ZNF318: variants seen among roughly 807,000 people sequenced by gnomAD.
The protein encoded by ZNF318 is zinc finger protein 318.
Under a neutral mutation model 124.2 loss-of-function variants are expected in ZNF318, and 51 were observed. The ratio of observed to expected loss-of-function variants is 0.41; its 90% CI spans 0.33 to 0.52. The LOEUF (loss-of-function observed/expected upper bound fraction) is 0.52. Among genes scored for constraint, ZNF318 ranks in the 20% least tolerant of loss-of-function variants. ZNF318 has a pLI of 0.23. For missense variants in ZNF318, 2,815 were observed against 2,811.2 expected, an observed-to-expected ratio of 1.00 and a Z score of -0.03; for synonymous variants, 1,090 against 1,040.7, an observed-to-expected ratio of 1.05 and a Z score of -0.91.
intron 1 of ZNF318, 103 bp from the exon 2 acceptor site, chr6:43,365,543 A>G: frequency 8.2e-7 from 1 of 1,212,766 alleles, no homozygotes; most frequent in African/African-American, 1.5e-5. Flanking sequence ...ATGGTGGCTC[A>G]TGCCTGTATA....
chr6:43,357,511 C>A lies in ZNF318; in HGVS notation c.803G>T (p.Ser268Ile), dbSNP rs1438914615. The part of the protein sequence containing the change: ...KGYSIRSEER[S>I]REAKRPRYDD... ...ATAACGGGGTCTTTTGGCCTCCCGGCTCCTTTCTTCAGATCGTATGGAGTA... is the reference window on the plus strand; with the variant it reads ...ATAACGGGGTCTTTTGGCCTCCCGGATCCTTTCTTCAGATCGTATGGAGTA... The change falls in exon 3 of 10, where the codon AGC becomes ATC. Residue 268 changes from serine to isoleucine, a missense_variant. By Grantham distance (142) the Ser-to-Ile change is moderately radical. Transcript: ENST00000361428. 3.1e-6 allele frequency: 5 copies of A among 1,614,160 alleles called. No homozygotes were observed. The highest frequency in any genetic ancestry group is 1.7e-5 in the Admixed American group (1 of 60,018).
chr6:43,366,285 A>C (rs543316120), intron 1 of ZNF318, among the ~76,000 whole-genome samples: 1 of 152,332 alleles, frequency 6.6e-6, no homozygotes, highest in South Asian at 2.1e-4. Context: ...GGCTGCAGCA[A>C]AGTGACAGAA....
In ZNF318 at chr6:43,338,249, T is replaced by C; in HGVS notation, c.5749A>G (p.Ser1917Gly). The C allele has an allele frequency of 6.2e-7, 1 of 1,614,134 alleles. No homozygotes were observed. The highest frequency in any genetic ancestry group is 8.5e-7 in the Non-Finnish European group (1 of 1,180,024). ...SPQEQGVSVV[S>G]EEGLENSAPE... ...GCTGAATTCTCTAGCCCCTCCTCAC[T>C]AACAACTGAAACTCCTTGCTCTTGT... Residue 1917 changes from serine to glycine, a missense_variant, in exon 10 of 10, where the codon AGT (serine) becomes GGT (glycine). Coordinates refer to ENST00000361428, the MANE Select transcript of ZNF318 (RefSeq NM_014345.3).
intron 1 of ZNF318, among the ~76,000 whole-genome samples, chr6:43,366,648 T>A (rs940410723): frequency 6.6e-6 from 1 of 152,120 alleles, no homozygotes; most frequent in African/African-American, 2.4e-5. Flanking sequence ...AACATTTTTT[T>A]AAAATAAAAT....
Position 43,355,490 on chromosome 6 carries a change from G to A in ZNF318, c.1844C>T (p.Thr615Ile). ...CTTCTTGCCATGAAGTCGTTCCTGG[G>A]TGCGTGCAGCCAATTGACTAATCTC... is the stretch of plus-strand genomic sequence containing the variant. ...VAEISQLAAR[T>I]QERLHGKKPS... The change falls in exon 4 of 10, where the codon ACC becomes ATC. Residue 615 changes from threonine to isoleucine, a missense_variant. This residue lies in a region of ZNF318 where 1,377 missense variants were observed against 1,353.5 expected (regional missense o/e 1.02). Transcript: ENST00000361428. The A allele has an allele frequency of 6.2e-7, 1 of 1,614,186 alleles. No homozygotes were observed. The highest frequency in any genetic ancestry group is 8.5e-7 in the Non-Finnish European group (1 of 1,180,038).
intron 6 of ZNF318, among the ~76,000 whole-genome samples, chr6:43,346,344 G>A (rs1414844306): frequency 6.6e-6 from 1 of 151,858 alleles, no homozygotes; most frequent in Non-Finnish European, 1.5e-5. Context: ...AGCCGGGCGT[G>A]GTGGCACGTG....
intron 5 of ZNF318, 31 bp from the exon 6 acceptor site, chr6:43,348,656 AC>A: frequency 6.2e-7 from 1 of 1,602,158 alleles, no homozygotes; most frequent in Non-Finnish European, 8.5e-7. Flanking sequence ...AAAAAGAAGC[AC>A]AGGGAAAATA....
At chr6:43,360,954 A>C (rs1182827215) in intron 2 of ZNF318, among the ~76,000 whole-genome samples, 1 of 152,200 alleles carries the variant, frequency 6.6e-6, no homozygotes, top group African/African-American at 2.4e-5. Flanking sequence ...GTAATGGCTA[A>C]AGGAACAGAG....
Position 43,338,250 on chromosome 6 carries a change from A to G in ZNF318, c.5748T>C (p.Val1916=). 2.5e-6 allele frequency: 4 copies of G among 1,614,100 alleles called. No individual in the cohort carries two copies. The highest frequency in any genetic ancestry group is 3.4e-6 in the Non-Finnish European group (4 of 1,180,016). ...GSPQEQGVSV[V]SEEGLENSAP... is the part of the protein sequence containing the mutation. ...CTGAATTCTCTAGCCCCTCCTCACT[A>G]ACAACTGAAACTCCTTGCTCTTGTG... Residue 1916 remains valine (V), a synonymous_variant, in exon 10 of 10, where the codon GTT becomes GTC. Coordinates refer to ENST00000361428, the MANE Select transcript of ZNF318 (RefSeq NM_014345.3).
intron 5 of ZNF318, among the ~76,000 whole-genome samples, chr6:43,351,499 G>A (rs1779523848): frequency 6.6e-6 from 1 of 152,202 alleles, no homozygotes; most frequent in Admixed American, 6.5e-5. Flanking sequence ...AGTGACTCAT[G>A]CCTGTAATCT....
Position 43,338,482 on chromosome 6 carries a change from T to C in ZNF318, c.5516A>G (p.Asn1839Ser), listed in dbSNP as rs1562127599. The change falls in exon 10 of 10, where the codon AAT (asparagine) becomes AGT (serine). Residue 1839 changes from asparagine (N) to serine (S), a missense_variant. Physicochemically the swap from Asn to Ser is conservative, Grantham distance 46. This residue lies in a region of ZNF318 where 927 missense variants were observed against 820.6 expected (regional missense o/e 1.13). Transcript: ENST00000361428. The part of the protein sequence containing the change: ...LMIDKEAEQS[N>S]KLMTGSETPS... ...AGTTTCACTTCCTGTCATCAATTTA[T>C]TGGACTGTTCAGCCTCTTTGTCAAT... 2 of 1,614,222 alleles carry C rather than the reference T, an allele frequency of 1.2e-6. No individual in the cohort carries two copies. The highest frequency in any genetic ancestry group is 1.3e-5 in the African/African-American group (1 of 75,074).
Position 43,357,476 on chromosome 6 carries a change from C to T in ZNF318, c.838G>A (p.Val280Met). 1 of 1,614,212 alleles carries T rather than the reference C, an allele frequency of 6.2e-7. No homozygotes were observed. The highest frequency in any genetic ancestry group is 1.6e-4 in the Middle Eastern group (1 of 6,062). ...EAKRPRYDDT[V>M]KINSMGGDHP... ...TCCCCTCCCATGCTGTTTATCTTCACTGTGTCATCATAACGGGGTCTTTTG... is the reference window on the plus strand; with the variant it reads ...TCCCCTCCCATGCTGTTTATCTTCATTGTGTCATCATAACGGGGTCTTTTG... The change falls in exon 3 of 10, where the codon GTG (valine) becomes ATG (methionine). Residue 280 changes from valine (V) to methionine (M), a missense_variant. Val to Met is a conservative substitution (Grantham distance 21). Transcript: ENST00000361428.
rs1779339037 is a variant in ZNF318 at position 43,339,473 on chromosome 6, G to A, written c.4525C>T (p.Gln1509Ter). The A allele has an allele frequency of 6.2e-7, 1 of 1,614,162 alleles. No homozygotes were observed. Among genetic ancestry groups the A allele is most frequent in the Non-Finnish European group, 8.5e-7 (1 of 1,180,030 alleles). The change falls in exon 10 of 10, where the codon CAG (glutamine) becomes TAG (stop). Residue 1509 changes from glutamine (Q) to a stop codon, truncating the protein, a stop_gained. Coordinates refer to ENST00000361428, the MANE Select transcript of ZNF318 (RefSeq NM_014345.3). LOFTEE classifies it low-confidence loss of function (END_TRUNC). This position sits in a 1 kb window ranked among gnomAD's most constrained non-coding sequence, Gnocchi z 4.2. ...VLPVAIMASAQPAAIPSDETA... is the reference protein window; with the variant it reads ...VLPVAIMASA ...TCATCAGAAGGAATGGCAGCTGGCTGTGCTGAGGCCATGATGGCTACAGGC... is the reference window on the plus strand; with the variant it reads ...TCATCAGAAGGAATGGCAGCTGGCTATGCTGAGGCCATGATGGCTACAGGC...
chr6:43,344,766 C>A lies in ZNF318; in HGVS notation c.3073-1887G>T, dbSNP rs1214370885. Among the ~76,000 whole-genome samples the A allele has an allele frequency of 2.6e-5, 4 of 151,850 alleles. No individual in the cohort carries two copies. The East Asian group carries it at 7.7e-4, about 29-fold the overall frequency. On this transcript the variant is annotated intron_variant, in intron 6 of 9. Coordinates refer to ENST00000361428, the MANE Select transcript of ZNF318 (RefSeq NM_014345.3). ...CCAGTTCCTGACACTTTATTGGTGA[C>A]CAATACATATTTGTTAAGTGAATTG...
chr6:43,351,553 G>A (rs1487415015), intron 5 of ZNF318, among the ~76,000 whole-genome samples: 1 of 152,112 alleles, frequency 6.6e-6, no homozygotes, highest in Non-Finnish European at 1.5e-5. Context: ...TTGAGGCCAG[G>A]AGTTTGAGAC....
chr6:43,340,677 T>G (rs978790457), intron 9 of ZNF318, 113 bp downstream of exon 9: 31 of 1,512,720 alleles, frequency 2.0e-5, no homozygotes, highest in Admixed American at 3.8e-5. Context: ...AACTTAGAGG[T>G]TATATGGAAT....
intron 2 of ZNF318, among the ~76,000 whole-genome samples, chr6:43,361,993 C>CA (rs1779686322): frequency 6.6e-6 from 1 of 151,830 alleles, no homozygotes; most frequent in African/African-American, 2.4e-5. Context: ...CCCATCTCTA[C>CA]AAAAATTTGA....
At position 43,355,422 on chromosome 6, in the gene ZNF318, G is replaced by C; in HGVS notation, c.1912C>G (p.Arg638Gly). Residue 638 changes from arginine to glycine, a missense_variant, in exon 4 of 10, where the codon CGA becomes GGA. Arg to Gly is a moderately radical substitution (Grantham distance 125). Around this residue, in one of 4 missense-constraint regions of ZNF318, gnomAD observed 1,377 missense variants for 1,353.5 expected, o/e 1.02. Coordinates refer to ENST00000361428, the MANE Select transcript of ZNF318 (RefSeq NM_014345.3). ...SSADRRSSVD[R>G]YFSADHCSSV... ...GAACAGTGGTCAGCTGAAAAGTATC[G>C]GTCAACTGAGGAACGGCGGTCAGCT... 6.2e-7 allele frequency: 1 copy of C among 1,614,140 alleles called. No homozygotes were observed. Among genetic ancestry groups the C allele is most frequent in the Non-Finnish European group, 8.5e-7 (1 of 1,180,010 alleles).
At position 43,337,110 on chromosome 6, in the gene ZNF318, T is replaced by C; in HGVS notation, c.*48A>G. Reference sequence around the variant, plus strand: ...AGTCTTGGATCATCTGGGCATCTGATTTCTAGAAGCCAATGATTCACTCAC... The same window carrying C: ...AGTCTTGGATCATCTGGGCATCTGACTTCTAGAAGCCAATGATTCACTCAC... On this transcript the variant is annotated 3_prime_UTR_variant, in exon 10 of 10. Coordinates refer to ENST00000361428, the MANE Select transcript of ZNF318 (RefSeq NM_014345.3). 6.7e-7 allele frequency: 1 copy of C among 1,485,752 alleles called. No individual in the cohort carries two copies. The highest frequency in any genetic ancestry group is 9.0e-7 in the Non-Finnish European group (1 of 1,112,510). 92.0% of individuals were successfully genotyped at this position (1,485,752 alleles called of 1,614,324 possible).
Sources: gnomAD v4.1 joint callset for allele counts (sites outside exome capture counted in the v4.1 genomes callset) on GRCh38, gnomAD v4.1.1 for gene constraint, gnomAD v4.1.1 regional missense constraint, Gnocchi (gnomAD v3.1) non-coding constraint, MANE v1.5 for transcripts, NCBI Gene and HGNC (gene_info 2026-07-23, HGNC 2026-07-21) for gene names.